The following PRKG1 variants were observed in gnomAD, a reference collection of about 807,000 sequenced individuals.
PRKG1 encodes protein kinase cGMP-dependent 1.
In PRKG1, 35 loss-of-function variants were observed where a neutral mutation model predicts 88.1. The observed-to-expected ratio is 0.40, with a 90% CI of 0.30 to 0.53. PRKG1 has a LOEUF of 0.53. Among genes scored for constraint, PRKG1 ranks in the 20% least tolerant of loss-of-function variants. The probability of loss-of-function intolerance (pLI) is 0.59; values close to 1 mark genes in which losing one functional copy is unlikely to be tolerated. For missense variants in PRKG1, 540 were observed against 839.8 expected (o/e 0.64, Z 4.41); for synonymous variants, 303 against 292.5 (o/e 1.04, Z -0.37).
At position 52,209,659 on chromosome 10, in the gene PRKG1, C is replaced by T. The variant is rs375913223; in HGVS notation, c.1077-41911C>T. 9.9e-5 allele frequency among the ~76,000 whole-genome samples: 15 copies of T among 152,242 alleles called. No homozygotes were observed. The East Asian group carries it at 2.5e-3, about 26-fold the overall frequency. ...TCATGAGGCTCACACTTTACCAAAA[C>T]CGAAATCTTGATTTTCCTCAAACCT... On this transcript the variant is annotated intron_variant, in intron 9 of 17. Transcript: ENST00000373980.
At chr10:52,178,457 A>AATAGGT (rs1213097390) in intron 9 of PRKG1, among the ~76,000 whole-genome samples, 1 of 152,118 alleles carries the variant, frequency 6.6e-6, no homozygotes, top group Non-Finnish European at 1.5e-5. Flanking sequence ...TGATGAAAAG[A>AATAGGT]ATAGGTATTA....
chr10:51,547,021 C>T (rs1842457986), intron 3 of PRKG1, among the ~76,000 whole-genome samples: 1 of 143,268 alleles, frequency 7.0e-6, no homozygotes, highest in Non-Finnish European at 1.5e-5. Context: ...TGACCAATAG[C>T]ATTGCTTATT....
intron 2 of PRKG1, among the ~76,000 whole-genome samples, chr10:51,333,409 C>T (rs1841790601): frequency 6.6e-6 from 1 of 152,290 alleles, no homozygotes; most frequent in East Asian, 1.9e-4. Flanking sequence ...ACTGTTATCA[C>T]CCTCAGTTTT....
In PRKG1 at chr10:52,070,686, G is replaced by A. The variant is rs560584285; in HGVS notation, c.935+8055G>A. On this transcript the variant is annotated intron_variant, in intron 7 of 17. Coordinates refer to ENST00000373980, the MANE Select transcript of PRKG1 (RefSeq NM_006258.4). ...TGAATCTTCTTTCTCTGTGTCATTC[G>A]GTGCTACATTTTTAATAGAAGCTGG... 2.4e-4 allele frequency among the ~76,000 whole-genome samples: 36 copies of A among 151,996 alleles called. No homozygotes were observed. The South Asian group carries it at 6.9e-3, about 29-fold the overall frequency.
intron 7 of PRKG1, among the ~76,000 whole-genome samples, chr10:52,070,685 C>G (rs894961462): frequency 1.3e-5 from 2 of 152,118 alleles, no homozygotes; most frequent in East Asian, 1.9e-4. Flanking sequence ...CTGTGTCATT[C>G]GGTGCTACAT....
rs534328555 is a variant in PRKG1 at position 52,027,451 on chromosome 10, A to G, written c.763-27033A>G. 1.1e-3 allele frequency among the ~76,000 whole-genome samples: 161 copies of G among 152,334 alleles called. 2 individuals are homozygous for G. The South Asian group carries it at 0.012, about 11-fold the overall frequency. On this transcript the variant is annotated intron_variant, in intron 5 of 17. Coordinates refer to ENST00000373980, the MANE Select transcript of PRKG1 (RefSeq NM_006258.4). ...TGTTGCTGCTTCAGAATCACTCACC[A>G]TGAGGCCTGGGATATATACTTTTAT... is the stretch of plus-strand genomic sequence containing the variant.
chr10:51,384,147 G>C (rs192060281), intron 2 of PRKG1, among the ~76,000 whole-genome samples: 209 of 152,206 alleles, frequency 1.4e-3, no homozygotes, highest in Non-Finnish European at 2.3e-3. Context: ...ACCAGAGATG[G>C]GAATGAGAAA....
At chr10:51,913,518 C>T (rs1233083640) in intron 5 of PRKG1, among the ~76,000 whole-genome samples, 1 of 152,040 alleles carries the variant, frequency 6.6e-6, no homozygotes, top group East Asian at 1.9e-4. Flanking sequence ...GAACAATTTC[C>T]TTTGTATAGT....
chr10:51,959,546 C>A (rs1843395844), intron 5 of PRKG1, among the ~76,000 whole-genome samples: 1 of 152,132 alleles, frequency 6.6e-6, no homozygotes, highest in Admixed American at 6.6e-5. Flanking sequence ...AGGTTGGTCA[C>A]AATTTTTCTC....
chr10:51,112,022 T>G (rs975440036), intron 1 of PRKG1, among the ~76,000 whole-genome samples: 6 of 152,158 alleles, frequency 3.9e-5, no homozygotes, highest in African/African-American at 1.4e-4. Flanking sequence ...CTGAAAGCAT[T>G]GTTTTATGGA....
chr10:51,336,389 TA>T (rs1397580057), intron 2 of PRKG1, among the ~76,000 whole-genome samples: 22 of 151,616 alleles, frequency 1.5e-4, no homozygotes, highest in Admixed American at 1.1e-3. Flanking sequence ...TAAAATAGCA[TA>T]ATTGAATTTA....
intron 2 of PRKG1, among the ~76,000 whole-genome samples, chr10:51,334,152 TTCTCTCTCTCTCTCTCTCTC>T (rs10568175): frequency 1.2e-4 from 16 of 137,234 alleles, no homozygotes; most frequent in Admixed American, 2.2e-4. Context: ...CTCTCTCTCT[TTCTCTCTCTCTCTCTCTCTC>T]TCTCTCTCTC....
intron 8 of PRKG1, among the ~76,000 whole-genome samples, chr10:52,160,590 C>G (rs1838251587): frequency 1.3e-5 from 2 of 151,928 alleles, no homozygotes; most frequent in Admixed American, 6.6e-5. Context: ...CCCTTCCCCT[C>G]CACCCACCCC....
intron 2 of PRKG1, among the ~76,000 whole-genome samples, chr10:51,284,865 C>CTTTTTTTTTTTTTTTTTTTTTTGTTTT (rs5784867): frequency 1.9e-5 from 1 of 51,698 alleles, no homozygotes; most frequent in Non-Finnish European, 3.6e-5. Context: ...GTTGTGGGTA[C>CTTTTTTTTTTTTTTTTTTTTTTGTTTT]TTTTTTTTTT....
At chr10:52,241,339 C>G (rs2132378799) in intron 9 of PRKG1, among the ~76,000 whole-genome samples, 1 of 152,274 alleles carries the variant, frequency 6.6e-6, no homozygotes, top group East Asian at 1.9e-4. Flanking sequence ...AAGTTTGTAT[C>G]TCTCAAGACA....
chr10:51,024,261 C>T (rs1051419085), intron 1 of PRKG1, among the ~76,000 whole-genome samples: 1 of 152,206 alleles, frequency 6.6e-6, no homozygotes, highest in South Asian at 2.1e-4. Context: ...GTAATCACTA[C>T]GGTTTTTTTT....
chr10:52,179,528 G>GT (rs761920866), intron 9 of PRKG1, among the ~76,000 whole-genome samples: 30 of 152,160 alleles, frequency 2.0e-4, no homozygotes, highest in Non-Finnish European at 2.2e-4. Context: ...TTCATTCTTT[G>GT]TTTTTTGCTT....
At chr10:51,896,303 C>CTTTATTAAGCA (rs1841844590) in intron 4 of PRKG1, among the ~76,000 whole-genome samples, 4 of 152,054 alleles carry the variant, frequency 2.6e-5, no homozygotes, top group Admixed American at 2.6e-4. Flanking sequence ...AGCTGCTGAA[C>CTTTATTAAGCA]TTTATTAAGC....
intron 2 of PRKG1, among the ~76,000 whole-genome samples, chr10:51,166,782 A>G (rs1846555043): frequency 1.3e-5 from 2 of 152,194 alleles, no homozygotes. Context: ...CTTCTCTTAG[A>G]TGGTGTGTTT....
Sources: allele counts gnomAD v4.1 joint callset (sites outside exome capture counted in the v4.1 genomes callset), GRCh38; gene constraint gnomAD v4.1.1; transcripts MANE v1.5; gene names NCBI Gene and HGNC (gene_info 2026-07-23, HGNC 2026-07-21).